DCT: variants seen among roughly 807,000 people sequenced by gnomAD.
DCT encodes dopachrome tautomerase, also known as L-dopachrome tautomerase.
A neutral mutation model predicts 53.0 loss-of-function variants in DCT; 47 were observed. The observed-to-expected ratio is 0.89, with a 90% CI of 0.70 to 1.13. DCT has a LOEUF of 1.13. Among genes scored for constraint, DCT ranks in the 50% most tolerant of loss-of-function variants. The pLI, the probability that DCT is intolerant of heterozygous loss-of-function variation, is 0.00. For missense variants in DCT, 669 were observed against 637.4 expected (o/e 1.05, Z -0.53); for synonymous variants, 244 against 237.0 (o/e 1.03, Z -0.27).
the DCT span, among the ~76,000 whole-genome samples, chr13:94,497,876 A>ATG: frequency 6.0e-3 from 913 of 151,558 alleles, 15 homozygotes; most frequent in African/African-American, 0.021. Context: ...GGTCACCTAT[A>ATG]TGTGTGTGTG....
chr13:94,445,341 A>G (rs908886092), intron 6 of DCT, among the ~76,000 whole-genome samples: 9 of 152,194 alleles, frequency 5.9e-5, no homozygotes, highest in African/African-American at 1.4e-4. Flanking sequence ...TGCAGTTCCT[A>G]TCTTGTGCCT....
chr13:94,525,853 G>A, the DCT span, among the ~76,000 whole-genome samples: 104 of 152,278 alleles, frequency 6.8e-4, 2 homozygotes, highest in Admixed American at 9.8e-4. Flanking sequence ...TTAGCCAGGC[G>A]TGGTGGTGCC....
At chr13:94,517,918 A>G in the DCT span, among the ~76,000 whole-genome samples, 1 of 152,094 alleles carries the variant, frequency 6.6e-6, no homozygotes, top group Non-Finnish European at 1.5e-5. Flanking sequence ...CTCAAAGGAA[A>G]GCATGGTCCC....
In DCT at chr13:94,478,925, T is replaced by C. The variant is rs1885278078; in HGVS notation, c.295+36A>G. Reference sequence around the variant, plus strand: ...TTAGAAGGAGCTCTTTCCCCAGCTCTGGCCCTCCCCACCAAGCTTGGAGCA... The same window carrying C: ...TTAGAAGGAGCTCTTTCCCCAGCTCCGGCCCTCCCCACCAAGCTTGGAGCA... On this transcript the variant is annotated intron_variant, in intron 1 of 7. Coordinates refer to ENST00000377028, the MANE Select transcript of DCT (RefSeq NM_001922.5). The C allele has an allele frequency of 1.9e-6, 3 of 1,563,766 alleles. No individual in the cohort carries two copies. The East Asian group carries it at 6.8e-5, about 35-fold the overall frequency.
At chr13:94,471,879 G>T (rs1884668247) in intron 1 of DCT, among the ~76,000 whole-genome samples, 2 of 152,290 alleles carry the variant, frequency 1.3e-5, no homozygotes, top group South Asian at 4.1e-4. Context: ...TTCATTGATT[G>T]TAACCCTGGT....
intron 1 of DCT, among the ~76,000 whole-genome samples, chr13:94,474,027 A>G (rs1325955392): frequency 6.6e-6 from 1 of 152,224 alleles, no homozygotes; most frequent in Non-Finnish European, 1.5e-5. Flanking sequence ...TCCTAATAGC[A>G]TCTTCCATCA....
chr13:94,532,759 C>T, the DCT span, among the ~76,000 whole-genome samples: 4 of 152,142 alleles, frequency 2.6e-5, no homozygotes, highest in East Asian at 7.7e-4. Flanking sequence ...ACGCTGTGCA[C>T]ATGTACCCTA....
At chr13:94,548,558 C>T in the DCT span, among the ~76,000 whole-genome samples, 1 of 151,908 alleles carries the variant, frequency 6.6e-6, no homozygotes, top group South Asian at 2.1e-4. Flanking sequence ...CAACTTCTCC[C>T]CTTGGGTCCT....
intron 6 of DCT, chr13:94,452,634 G>A: frequency 1.3e-6 from 1 of 766,830 alleles, no homozygotes; most frequent in East Asian, 2.5e-5. Context: ...GTTTGTTGTA[G>A]CATTGTAAAG....
chr13:94,477,379 G>C (rs893458299), intron 1 of DCT, among the ~76,000 whole-genome samples: 1 of 152,106 alleles, frequency 6.6e-6, no homozygotes, highest in Non-Finnish European at 1.5e-5. Flanking sequence ...TTACAGGCGT[G>C]AGCCACTGCA....
chr13:94,510,658 T>C, the DCT span, among the ~76,000 whole-genome samples: 5 of 152,266 alleles, frequency 3.3e-5, no homozygotes, highest in Admixed American at 6.5e-5. Context: ...GTTATATTTC[T>C]AGCAGACAGA....
At chr13:94,547,984 A>AATATATATATATATAT in the DCT span, among the ~76,000 whole-genome samples, 4 of 65,814 alleles carry the variant, frequency 6.1e-5, no homozygotes, top group African/African-American at 3.9e-4. Flanking sequence ...AAAAAAAAAA[A>AATATATATATATATAT]ATATATATAT....
chr13:94,527,022 G>C, the DCT span, among the ~76,000 whole-genome samples: 3 of 152,160 alleles, frequency 2.0e-5, no homozygotes, highest in Admixed American at 6.5e-5. Context: ...CTCACTGCTA[G>C]CACAACAGTC....
chr13:94,534,384 G>A, the DCT span, among the ~76,000 whole-genome samples: 1 of 152,246 alleles, frequency 6.6e-6, no homozygotes, highest in Non-Finnish European at 1.5e-5. Flanking sequence ...TAAATGATGT[G>A]TTTCAGCTGA....
At chr13:94,505,624 A>G in the DCT span, among the ~76,000 whole-genome samples, 1 of 152,354 alleles carries the variant, frequency 6.6e-6, no homozygotes, top group Non-Finnish European at 1.5e-5. Flanking sequence ...GCCATTCTAC[A>G]TAATCAGAGT....
At chr13:94,540,245 C>T in the DCT span, among the ~76,000 whole-genome samples, 5 of 152,110 alleles carry the variant, frequency 3.3e-5, no homozygotes, top group Non-Finnish European at 7.4e-5. Flanking sequence ...AAGGACAAAT[C>T]GTGGAATAGA....
intron 6 of DCT, among the ~76,000 whole-genome samples, chr13:94,444,961 A>G (rs1882623614): frequency 6.6e-6 from 1 of 152,208 alleles, no homozygotes; most frequent in Admixed American, 6.5e-5. Context: ...TTTACTAACT[A>G]TGTGTTTGCT....
the DCT span, among the ~76,000 whole-genome samples, chr13:94,542,636 G>A: frequency 6.6e-6 from 1 of 152,136 alleles, no homozygotes. Flanking sequence ...TTTGCCTGGG[G>A]CTCAATCGAA....
the DCT span, among the ~76,000 whole-genome samples, chr13:94,535,336 G>A: frequency 5.9e-5 from 9 of 152,200 alleles, no homozygotes; most frequent in Non-Finnish European, 8.8e-5. Flanking sequence ...GCAAAGGAAC[G>A]TTTGGCCTTT....
Sources: gnomAD v4.1 joint callset for allele counts (sites outside exome capture counted in the v4.1 genomes callset) on GRCh38, gnomAD v4.1.1 for gene constraint, MANE v1.5 for transcripts, NCBI Gene and HGNC (gene_info 2026-07-23, HGNC 2026-07-21) for gene names.